The following SRRM1 variants were observed in gnomAD, a reference collection of about 807,000 sequenced individuals.
SRRM1 encodes the protein serine and arginine repetitive matrix 1.
In SRRM1, 19 loss-of-function variants were observed where a neutral mutation model predicts 110.2. The ratio of observed to expected loss-of-function variants is 0.17; its 90% CI spans 0.12 to 0.25. The LOEUF (loss-of-function observed/expected upper bound fraction) is 0.25. Ranked by LOEUF, SRRM1 falls within the 10% of genes least tolerant of loss-of-function variation. SRRM1 has a pLI of 1.00. For missense variants in SRRM1, 918 were observed against 1,145.8 expected (o/e 0.80, Z 2.87); for synonymous variants, 443 against 414.9 (o/e 1.07, Z -0.82).
chr1:24,660,457 T>C (rs1389632062), intron 9 of SRRM1, among the ~76,000 whole-genome samples: 3 of 152,196 alleles, frequency 2.0e-5, no homozygotes, highest in South Asian at 4.1e-4. Context: ...ATAAATTCTT[T>C]TTGAGAGTAG....
In SRRM1 at chr1:24,654,910, C is replaced by G; in HGVS notation, c.1096C>G (p.Arg366Gly). The change falls in exon 9 of 17, where the codon CGT becomes GGT. Residue 366 changes from arginine (R) to glycine (G), a missense_variant. Physicochemically the swap from Arg to Gly is moderately radical, Grantham distance 125. Transcript: ENST00000323848. The stretch of plus-strand genomic sequence containing the variant: ...GAGTAGCTCATCATCCTCTTCATCT[C>G]GTTCACGGTCACCACCAAAGAAGCC... ...SGSSSSSSSS[R>G]SRSPPKKPPK... 1.2e-6 allele frequency: 2 copies of G among 1,614,216 alleles called. No homozygotes were observed. The highest frequency in any genetic ancestry group is 2.2e-5 in the South Asian group (2 of 91,084).
At chr1:24,671,056 G>C (rs1478676951) in intron 15 of SRRM1, among the ~76,000 whole-genome samples, 1 of 144,940 alleles carries the variant, frequency 6.9e-6, no homozygotes, top group Non-Finnish European at 1.5e-5. Context: ...GTGATTTACA[G>C]ATATTCTCAT....
intron 6 of SRRM1, 22 bp from the exon 7 acceptor site, chr1:24,652,412 A>G: frequency 1.3e-6 from 2 of 1,523,776 alleles, no homozygotes; most frequent in Non-Finnish European, 8.8e-7. Flanking sequence ...AAAAAAAAAA[A>G]AAAAAGCTTT....
At chr1:24,654,724 C>T in intron 8 of SRRM1, 131 bp from the exon 9 acceptor site, 1 of 1,066,970 alleles carries the variant, frequency 9.4e-7, no homozygotes, top group East Asian at 2.4e-5. Context: ...CTTTTGGACT[C>T]ATTTATGTGC....
chr1:24,643,540 C>T (rs1421844307), intron 1 of SRRM1, 193 bp downstream of exon 1: 3 of 471,286 alleles, frequency 6.4e-6, no homozygotes, highest in Middle Eastern at 5.3e-4. Flanking sequence ...CAGTCTCCTC[C>T]TCCGGAATGG....
intron 6 of SRRM1, among the ~76,000 whole-genome samples, chr1:24,652,220 CAGA>C (rs931938181): frequency 1.7e-4 from 25 of 150,290 alleles, no homozygotes; most frequent in African/African-American, 5.6e-4. Flanking sequence ...GACCCTGTCT[CAGA>C]AGAAGAAAAG....
Position 24,660,723 on chromosome 1 carries a change from A to C in SRRM1, c.1320A>C (p.Thr440=). 6.4e-7 allele frequency: 1 copy of C among 1,552,648 alleles called. No individual in the cohort carries two copies. The highest frequency in any genetic ancestry group is 1.3e-5 in the South Asian group (1 of 79,642). ...VSPGRTSGKV[T]KHKGTEKRES... ...TCCACTCTTATTCTTTTTTAGTGAC[A>C]AAACATAAAGGTACTGAGAAAAGAG... is the stretch of plus-strand genomic sequence containing the variant. Residue 440 remains threonine, a synonymous_variant, in exon 10 of 17, where the codon ACA becomes ACC. Coordinates refer to ENST00000323848, the MANE Select transcript of SRRM1 (RefSeq NM_005839.4).
chr1:24,663,663 G>A (rs1251112564), intron 12 of SRRM1, among the ~76,000 whole-genome samples: 4 of 151,858 alleles, frequency 2.6e-5, no homozygotes, highest in Non-Finnish European at 5.9e-5. Context: ...AGGATCACGA[G>A]GTCAGGAGAT....
intron 6 of SRRM1, among the ~76,000 whole-genome samples, chr1:24,651,983 TAGAG>T (rs1363402074): frequency 2.1e-5 from 3 of 140,316 alleles, no homozygotes; most frequent in East Asian, 2.2e-4. Context: ...GCTCACAAGT[TAGAG>T]AGCAGCCTGG....
chr1:24,667,663 A>G (rs1017674577), intron 13 of SRRM1, among the ~76,000 whole-genome samples: 2 of 152,224 alleles, frequency 1.3e-5, no homozygotes, highest in African/African-American at 4.8e-5. Context: ...GGCAAGAACT[A>G]AAGAGATGTA....
chr1:24,659,545 C>T (rs1010120605), intron 9 of SRRM1, among the ~76,000 whole-genome samples: 2 of 152,132 alleles, frequency 1.3e-5, no homozygotes, highest in Admixed American at 1.3e-4. Context: ...TGTGAATATA[C>T]TTATGATTTT....
At chr1:24,660,860 A>AT in intron 10 of SRRM1, 61 bp downstream of exon 10, 1 of 1,300,886 alleles carries the variant, frequency 7.7e-7, no homozygotes, top group South Asian at 1.3e-5. Context: ...CTTAAAGCTG[A>AT]TTTTGATTTT....
rs781031806 is a variant in SRRM1 at position 24,662,666 on chromosome 1, G to GCTC, written c.1503_1505dup (p.Ser502dup). The GCTC allele has an allele frequency of 2.5e-6, 4 of 1,613,026 alleles. No homozygotes were observed. Among genetic ancestry groups the GCTC allele is most frequent in the Non-Finnish European group, 2.5e-6 (3 of 1,179,550 alleles). ...TTTAATTTTGTAATTATAGACTCTG[G>GCTC]CTCCTCCTCCTCCTCAGAAGATGAA... On this transcript the variant is annotated inframe_insertion, in exon 12 of 17. Coordinates refer to ENST00000323848, the MANE Select transcript of SRRM1 (RefSeq NM_005839.4).
rs757267751 is a variant in SRRM1, at chr1:24,652,622, G to A, written c.914G>A (p.Arg305Gln). Residue 305 changes from arginine (R) to glutamine (Q), a missense_variant, in exon 7 of 17, where the codon CGA (arginine) becomes CAA (glutamine). This residue lies in a region of SRRM1 where 456 missense variants were observed against 453.5 expected (regional missense o/e 1.01). Transcript: ENST00000323848. ...HTRPRRRHRSRSRSYSPRRRP... is the reference protein window; with the variant it reads ...HTRPRRRHRSQSRSYSPRRRP... ...CGACCTAGACGGCGCCATAGATCCCGATCAAGGTGAGTTGTGGCTTTAAGA... is the reference window on the plus strand; with the variant it reads ...CGACCTAGACGGCGCCATAGATCCCAATCAAGGTGAGTTGTGGCTTTAAGA... 7 of 1,599,242 alleles carry A rather than the reference G, an allele frequency of 4.4e-6. No individual in the cohort carries two copies. The highest frequency in any genetic ancestry group is 1.7e-4 in the Middle Eastern group (1 of 6,006).
At chr1:24,644,908 G>T (rs1189563428) in intron 1 of SRRM1, among the ~76,000 whole-genome samples, 2 of 152,116 alleles carry the variant, frequency 1.3e-5, no homozygotes, top group Admixed American at 6.6e-5. Context: ...TTGTGGTATT[G>T]GTAAAGGTCT....
chr1:24,654,782 G>A, intron 8 of SRRM1, 73 bp from the exon 9 acceptor site: 1 of 1,557,248 alleles, frequency 6.4e-7, no homozygotes, highest in Non-Finnish European at 8.8e-7. Flanking sequence ...GTATTTTTGT[G>A]TAAACTGTTC....
chr1:24,658,126 T>C (rs1226508410), intron 9 of SRRM1, among the ~76,000 whole-genome samples: 2 of 152,208 alleles, frequency 1.3e-5, no homozygotes, highest in Non-Finnish European at 2.9e-5. Flanking sequence ...TCTGAAGTGC[T>C]GTTATAATAT....
In SRRM1 at chr1:24,651,505, G is replaced by C; in HGVS notation, c.618G>C (p.Lys206Asn). 6.2e-7 allele frequency: 1 copy of C among 1,614,156 alleles called. No homozygotes were observed. Among genetic ancestry groups the C allele is most frequent in the Non-Finnish European group, 8.5e-7 (1 of 1,180,034 alleles). The change falls in exon 6 of 17, where the codon AAG becomes AAC. Residue 206 changes from lysine to asparagine, a missense_variant. Coordinates refer to ENST00000323848, the MANE Select transcript of SRRM1 (RefSeq NM_005839.4). Reference sequence around the variant, plus strand: ...CTCGATCTCCCCGTCACAGAACCAAGAGCCGGAGTCCTTCCCCTGCTCCAG... The same window carrying C: ...CTCGATCTCCCCGTCACAGAACCAACAGCCGGAGTCCTTCCCCTGCTCCAG... ...SHSRSPRHRTKSRSPSPAPEK... is the reference protein window; with the variant it reads ...SHSRSPRHRTNSRSPSPAPEK...
Position 24,669,213 on chromosome 1 carries a change from A to G in SRRM1, c.1830A>G (p.Pro610=), listed in dbSNP as rs755897697. ...GGAGATACTCTCCTTCTCCACCTCC[A>G]AAGAGAAGAACGGCTTCACCTCCTC... ...IQRRYSPSPP[P]KRRTASPPPP... Residue 610 remains proline, a synonymous_variant, in exon 14 of 17, where the codon CCA becomes CCG. Transcript: ENST00000323848. The G allele has an allele frequency of 6.2e-7, 1 of 1,613,956 alleles. No individual in the cohort carries two copies. The highest frequency in any genetic ancestry group is 2.2e-5 in the East Asian group (1 of 44,864).
Sources: gnomAD v4.1 joint callset for allele counts (sites outside exome capture counted in the v4.1 genomes callset) on GRCh38, gnomAD v4.1.1 for gene constraint, gnomAD v4.1.1 regional missense constraint, MANE v1.5 for transcripts, NCBI Gene and HGNC (gene_info 2026-07-23, HGNC 2026-07-21) for gene names.